The following RPIA variants were observed in gnomAD, a reference collection of about 807,000 sequenced individuals.
The protein encoded by RPIA is ribose-5-phosphate isomerase.
In RPIA, 29 loss-of-function variants were observed where a neutral mutation model predicts 37.8. That is an observed-to-expected ratio of 0.77 (90% confidence interval 0.57 to 1.05). The LOEUF (loss-of-function observed/expected upper bound fraction) is 1.05, where lower values mean the gene tolerates loss of function less well. Ranked by LOEUF, RPIA falls within the 50% of genes least tolerant of loss-of-function variation. The probability of loss-of-function intolerance (pLI) is 0.00; values close to 1 mark genes in which losing one functional copy is unlikely to be tolerated. For missense variants in RPIA, 385 were observed against 413.6 expected (o/e 0.93, Z 0.60); for synonymous variants, 167 against 157.0 (o/e 1.06, Z -0.48).
chr2:88,716,034 A>G (rs1398807479), intron 3 of RPIA, among the ~76,000 whole-genome samples: 1 of 152,134 alleles, frequency 6.6e-6, no homozygotes, highest in Non-Finnish European at 1.5e-5. Flanking sequence ...CCCACAAGGA[A>G]CTTCCTTGTG....
intron 3 of RPIA, among the ~76,000 whole-genome samples, chr2:88,714,433 A>G (rs927979426): frequency 1.3e-5 from 2 of 152,116 alleles, no homozygotes; most frequent in Admixed American, 1.3e-4. Context: ...TGGCTTCCCA[A>G]AATGCTGGGA....
intron 3 of RPIA, among the ~76,000 whole-genome samples, chr2:88,713,828 CAT>C (rs796957824): frequency 5.9e-5 from 9 of 151,490 alleles, no homozygotes; most frequent in South Asian, 2.1e-4. Context: ...TCTTTGTTCT[CAT>C]GTGTTCAGTT....
chr2:88,725,400 A>T (rs1673183064), intron 3 of RPIA, among the ~76,000 whole-genome samples: 1 of 151,534 alleles, frequency 6.6e-6, no homozygotes, highest in South Asian at 2.1e-4. Flanking sequence ...GAAGTCTGAG[A>T]TGAAGGTGTT....
intron 8 of RPIA, among the ~76,000 whole-genome samples, chr2:88,739,862 G>A (rs1171123875): frequency 6.6e-6 from 1 of 152,144 alleles, no homozygotes; most frequent in East Asian, 1.9e-4. Context: ...GTCTCCCTTG[G>A]CCTCCCAAAG....
At chr2:88,711,158 T>G (rs1336305753) in intron 3 of RPIA, among the ~76,000 whole-genome samples, 1 of 152,246 alleles carries the variant, frequency 6.6e-6, no homozygotes, top group East Asian at 1.9e-4. Context: ...CCTTTATATT[T>G]GGAGCAATTT....
chr2:88,716,234 G>A (rs1673034937), intron 3 of RPIA, among the ~76,000 whole-genome samples: 1 of 151,944 alleles, frequency 6.6e-6, no homozygotes, highest in South Asian at 2.1e-4. Context: ...CTTATGACCC[G>A]GAAGACCCCT....
At chr2:88,749,391 G>T (rs1673475050) in intron 8 of RPIA, among the ~76,000 whole-genome samples, 2 of 152,110 alleles carry the variant, frequency 1.3e-5, no homozygotes. Context: ...TGGCCATTTT[G>T]GGTAGCTTCT....
intron 8 of RPIA, among the ~76,000 whole-genome samples, chr2:88,747,487 G>T (rs1324343945): frequency 6.6e-6 from 1 of 152,204 alleles, no homozygotes; most frequent in African/African-American, 2.4e-5. Context: ...TTTGTGCTCA[G>T]TTGAAATTAT....
At chr2:88,737,778 C>CA (rs57418305) in intron 7 of RPIA, among the ~76,000 whole-genome samples, 199 bp from the exon 8 acceptor site, 9,487 of 140,508 alleles carry the variant, frequency 0.068, 503 homozygotes, top group African/African-American at 0.15. Context: ...CTCTCTCTCT[C>CA]AAAAAAAAAA....
chr2:88,734,656 C>T (rs745599859), intron 5 of RPIA, 40 bp downstream of exon 5: 1 of 1,597,628 alleles, frequency 6.3e-7, no homozygotes, highest in Non-Finnish European at 8.6e-7. Context: ...GAGTATCTGC[C>T]AGTTAATCCT....
At chr2:88,749,569 A>G (rs1021949784) in intron 8 of RPIA, among the ~76,000 whole-genome samples, 26 of 152,174 alleles carry the variant, frequency 1.7e-4, no homozygotes, top group African/African-American at 6.0e-4. Context: ...TGGTGGTATG[A>G]TTGAAAATAA....
intron 5 of RPIA, 94 bp from the exon 6 acceptor site, chr2:88,735,575 A>C: frequency 9.0e-7 from 1 of 1,105,360 alleles, no homozygotes; most frequent in Non-Finnish European, 1.4e-6. Flanking sequence ...TTTAAGTGCC[A>C]GGATTGAGTG....
At chr2:88,747,022 T>G (rs945903012) in intron 8 of RPIA, among the ~76,000 whole-genome samples, 1 of 152,126 alleles carries the variant, frequency 6.6e-6, no homozygotes, top group Non-Finnish European at 1.5e-5. Context: ...CCCAAGAGTT[T>G]ATGTCTTTTG....
At chr2:88,734,407 TA>T in intron 4 of RPIA, 144 bp from the exon 5 acceptor site, 2 of 770,404 alleles carry the variant, frequency 2.6e-6, no homozygotes, top group South Asian at 1.4e-5. Context: ...TAACCTCTTG[TA>T]GCTCAATTTC....
Position 88,735,704 on chromosome 2 carries a change from A to T in RPIA, c.563A>T (p.Tyr188Phe), listed in dbSNP as rs1360684489. ...CLTQEKIVAGYASRFIVIADF... is the reference protein window; with the variant it reads ...CLTQEKIVAGFASRFIVIADF... ...ACCCAGGAGAAGATTGTGGCTGGCTATGCTAGTCGCTTCATCGTGATCGCT... is the reference window on the plus strand; with the variant it reads ...ACCCAGGAGAAGATTGTGGCTGGCTTTGCTAGTCGCTTCATCGTGATCGCT... The change falls in exon 6 of 9, where the codon TAT (tyrosine) becomes TTT (phenylalanine). Residue 188 changes from tyrosine (Y) to phenylalanine (F), a missense_variant. This residue lies in a region of RPIA where 153 missense variants were observed against 210.6 expected (regional missense o/e 0.73). Transcript: ENST00000283646. 6 of 1,613,978 alleles carry T rather than the reference A, an allele frequency of 3.7e-6. No individual in the cohort carries two copies. Among genetic ancestry groups the T allele is most frequent in the Non-Finnish European group, 5.1e-6 (6 of 1,180,004 alleles).
chr2:88,725,012 A>C (rs1673178439), intron 3 of RPIA, among the ~76,000 whole-genome samples: 1 of 152,202 alleles, frequency 6.6e-6, no homozygotes, highest in African/African-American at 2.4e-5. Context: ...CACTGTCCCT[A>C]ATCATGAGAC....
intron 3 of RPIA, among the ~76,000 whole-genome samples, chr2:88,727,462 A>C (rs955838596): frequency 2.6e-5 from 4 of 152,116 alleles, no homozygotes; most frequent in Non-Finnish European, 5.9e-5. Context: ...TAAACATGTC[A>C]TGGGGGTTTG....
In RPIA at chr2:88,691,840, C is replaced by G; in HGVS notation, c.142C>G (p.Gln48Glu). Residue 48 changes from glutamine (Q) to glutamate (E), a missense_variant, in exon 1 of 9, where the codon CAG becomes GAG. Coordinates refer to ENST00000283646, the MANE Select transcript of RPIA (RefSeq NM_144563.3). ...CCACGTGCGGCTGCCGGGGCGTGCA[C>G]AGTCTGGGACCCGTGGCGGTGCTGG... ...GSHVRLPGRAQSGTRGGAGNT... is the reference protein window; with the variant it reads ...GSHVRLPGRAESGTRGGAGNT... 6.3e-7 allele frequency: 1 copy of G among 1,598,528 alleles called. No homozygotes were observed. Among genetic ancestry groups the G allele is most frequent in the South Asian group, 1.1e-5 (1 of 88,792 alleles).
chr2:88,739,909 C>T (rs1454146845), intron 8 of RPIA, among the ~76,000 whole-genome samples: 1 of 152,080 alleles, frequency 6.6e-6, no homozygotes, highest in Non-Finnish European at 1.5e-5. Context: ...GTGCCTGGCC[C>T]CAATTCTACT....
Sources: gnomAD v4.1 joint callset for allele counts (sites outside exome capture counted in the v4.1 genomes callset) on GRCh38, gnomAD v4.1.1 for gene constraint, gnomAD v4.1.1 regional missense constraint, MANE v1.5 for transcripts, NCBI Gene and HGNC (gene_info 2026-07-23, HGNC 2026-07-21) for gene names.